EIF3J: variants seen among roughly 807,000 people sequenced by gnomAD.
EIF3J encodes eukaryotic translation initiation factor 3 subunit J, also known as eukaryotic translation initiation factor 3, subunit 1 (alpha, 35kD).
In EIF3J, 15 loss-of-function variants were observed where a neutral mutation model predicts 39.0. That is an observed-to-expected ratio of 0.38 (90% CI 0.26 to 0.59). The LOEUF is 0.59. Among genes scored for constraint, EIF3J ranks in the 20% least tolerant of loss-of-function variants. EIF3J has a pLI of 0.60. For synonymous variants in EIF3J, 98 were observed against 112.9 expected (o/e 0.87, Z 0.84); for missense variants, 226 against 308.6 (o/e 0.73, Z 2.00).
intron 4 of EIF3J, among the ~76,000 whole-genome samples, chr15:44,552,567 CT>C (rs200976026): frequency 0.088 from 12,379 of 141,148 alleles, 1,252 homozygotes; most frequent in African/African-American, 0.24. Flanking sequence ...CTTTTCTTTT[CT>C]TTTTTTTTTT....
intron 5 of EIF3J, among the ~76,000 whole-genome samples, chr15:44,555,938 A>G (rs371207358): frequency 1.3e-5 from 2 of 152,102 alleles, no homozygotes; most frequent in Admixed American, 6.5e-5. Flanking sequence ...GCTCACTGCA[A>G]CCTCTGCCTC....
rs1595810316 is a variant in EIF3J, at chr15:44,561,401, T to C, written c.*252T>C. ...GTTCAAAACCTAATAATGTTGTCGT[T>C]GTTGCTATCTGATTTCATAGCAGCA... On this transcript the variant is annotated 3_prime_UTR_variant, in exon 8 of 8. Transcript: ENST00000261868. The C allele has an allele frequency of 2.5e-5, 7 of 282,838 alleles. No homozygotes were observed. In the East Asian group the frequency reaches 2.6e-4, roughly 10 times the overall value. 17.5% of individuals were successfully genotyped at this position (282,838 alleles called of 1,614,324 possible).
intron 2 of EIF3J, among the ~76,000 whole-genome samples, chr15:44,538,686 C>A (rs553644965): frequency 1.3e-5 from 2 of 152,314 alleles, no homozygotes; most frequent in East Asian, 3.9e-4. Flanking sequence ...TTTGAAGACA[C>A]TCAGATGCTT....
chr15:44,559,706 CA>C (rs557407192), intron 6 of EIF3J, among the ~76,000 whole-genome samples: 11,229 of 125,720 alleles, frequency 0.089, 812 homozygotes, highest in East Asian at 0.21. Flanking sequence ...GACTCCATCT[CA>C]AAAAAAAAAA....
At chr15:44,538,151 G>T (rs1395270763) in intron 2 of EIF3J, among the ~76,000 whole-genome samples, 1 of 152,190 alleles carries the variant, frequency 6.6e-6, no homozygotes, top group Non-Finnish European at 1.5e-5. Flanking sequence ...GGTGGTTGTA[G>T]ATGACGGGCC....
rs770060893 is a variant in EIF3J, at chr15:44,557,470, T to G, written c.410-19T>G. 1.3e-6 allele frequency: 2 copies of G among 1,490,510 alleles called. No homozygotes were observed. Among genetic ancestry groups the G allele is most frequent in the Non-Finnish European group, 1.8e-6 (2 of 1,123,770 alleles). 92.3% of individuals were successfully genotyped at this position (1,490,510 alleles called of 1,614,324 possible). A position where few individuals can be genotyped will look rare whatever the true frequency, so the allele number is the denominator to read the frequency against. On this transcript the variant is annotated intron_variant, in intron 5 of 7. Transcript: ENST00000261868. ...ATCCTAACCTCCTGATACTTTTCAG[T>G]GCTTCTTTTCTCCTACAGGTGTTAA...
At chr15:44,537,538 A>AT in intron 2 of EIF3J, 111 bp downstream of exon 2, 2 of 1,138,950 alleles carry the variant, frequency 1.8e-6, no homozygotes, top group Non-Finnish European at 2.3e-6. Context: ...TCCAGGCGCG[A>AT]GCATAGGGCC....
chr15:44,539,532 C>G (rs546193059), intron 2 of EIF3J, among the ~76,000 whole-genome samples: 2 of 151,378 alleles, frequency 1.3e-5, no homozygotes, highest in African/African-American at 2.4e-5. Context: ...CTCAGCCTCC[C>G]GAGGACTACA....
rs186954585 is a variant in EIF3J, at chr15:44,539,263, T to A, written c.147+1836T>A. ...CTGGTCTTGAACTTCTGACCTCAGG[T>A]GATTCTCCTGCCTTAGCCTCCCAAA... On this transcript the variant is annotated intron_variant, in intron 2 of 7. Coordinates refer to ENST00000261868, the MANE Select transcript of EIF3J (RefSeq NM_003758.4). Among the ~76,000 whole-genome samples the A allele has an allele frequency of 1.1e-3, 171 of 151,900 alleles. 1 individual carries two copies. The highest frequency in any genetic ancestry group is 3.9e-3 in the African/African-American group (163 of 41,434).
At chr15:44,540,684 ATCC>A (rs2082008053) in intron 2 of EIF3J, among the ~76,000 whole-genome samples, 1 of 152,152 alleles carries the variant, frequency 6.6e-6, no homozygotes, top group Admixed American at 6.5e-5. Context: ...CAAGTGATCT[ATCC>A]TCCTCAGCCT....
At chr15:44,537,286 C>A in intron 1 of EIF3J, 38 bp from the exon 2 acceptor site, 1 of 1,564,366 alleles carries the variant, frequency 6.4e-7, no homozygotes, top group South Asian at 1.2e-5. Context: ...CGGCCCCACG[C>A]AGTGGCAGGC....
At chr15:44,558,183 A>C (rs1243420290) in intron 6 of EIF3J, among the ~76,000 whole-genome samples, 1 of 152,174 alleles carries the variant, frequency 6.6e-6, no homozygotes, top group Admixed American at 6.6e-5. Flanking sequence ...GTGGTGAAGC[A>C]GGAATGTATG....
At chr15:44,541,037 G>A (rs924484607) in intron 2 of EIF3J, among the ~76,000 whole-genome samples, 1 of 152,156 alleles carries the variant, frequency 6.6e-6, no homozygotes, top group Non-Finnish European at 1.5e-5. Flanking sequence ...CTGTACAACC[G>A]TTAATATATA....
In EIF3J at chr15:44,550,869, T is replaced by A; in HGVS notation, c.148-7T>A. On this transcript the variant is annotated splice_region_variant and splice_polypyrimidine_tract_variant and intron_variant, in intron 2 of 7. Coordinates refer to ENST00000261868, the MANE Select transcript of EIF3J (RefSeq NM_003758.4). ...CAAGAATTATTAATGGAAGTCCTTT[T>A]CTTTAGGATAACTGGGATGACGATG... 1 of 1,583,246 alleles carries A rather than the reference T, an allele frequency of 6.3e-7. No individual in the cohort carries two copies. Among genetic ancestry groups the A allele is most frequent in the South Asian group, 1.1e-5 (1 of 87,974 alleles).
intron 5 of EIF3J, among the ~76,000 whole-genome samples, chr15:44,556,001 C>T (rs543738910): frequency 5.3e-5 from 8 of 151,558 alleles, no homozygotes; most frequent in South Asian, 2.1e-4. Context: ...GGACTACAGG[C>T]GCATGCCACC....
At chr15:44,549,722 G>C (rs1442163293) in intron 2 of EIF3J, among the ~76,000 whole-genome samples, 1 of 132,742 alleles carries the variant, frequency 7.5e-6, no homozygotes, top group African/African-American at 2.9e-5. Flanking sequence ...AGCTGAGATC[G>C]TCCCTGTATT....
At chr15:44,556,525 G>C (rs1469598630) in intron 5 of EIF3J, among the ~76,000 whole-genome samples, 1 of 150,990 alleles carries the variant, frequency 6.6e-6, no homozygotes, top group Admixed American at 6.6e-5. Context: ...TTATTTTTTT[G>C]AGACAGAGTC....
chr15:44,540,725 G>A lies in EIF3J; in HGVS notation c.147+3298G>A, dbSNP rs1276452978. 8.5e-5 allele frequency among the ~76,000 whole-genome samples: 13 copies of A among 152,336 alleles called. No homozygotes were observed. In the East Asian group the frequency reaches 2.3e-3, roughly 27 times the overall value. ...TAAAATGCTGGGATTATGGGCGTGA[G>A]CCAGCAGACTCAGCCATATCACCAA... On this transcript the variant is annotated intron_variant, in intron 2 of 7. Transcript: ENST00000261868.
intron 4 of EIF3J, among the ~76,000 whole-genome samples, 174 bp from the exon 5 acceptor site, chr15:44,554,375 TAAAA>T (rs59415615): frequency 9.7e-5 from 6 of 61,884 alleles, no homozygotes; most frequent in African/African-American, 3.7e-4. Context: ...AGGCTCTGTC[TAAAA>T]AAAAAAAAAA....
Sources: allele counts gnomAD v4.1 joint callset (sites outside exome capture counted in the v4.1 genomes callset), GRCh38; gene constraint gnomAD v4.1.1; transcripts MANE v1.5; gene names NCBI Gene and HGNC (gene_info 2026-07-23, HGNC 2026-07-21).